TNS3: variants seen among roughly 807,000 people sequenced by gnomAD.
TNS3 encodes the protein tensin-3.
Under a neutral mutation model 140.9 loss-of-function variants are expected in TNS3, and 45 were observed. The observed-to-expected ratio is 0.32, with a 90% CI of 0.25 to 0.41. The LOEUF is 0.41. Ranked by LOEUF, TNS3 falls within the 10% of genes least tolerant of loss-of-function variation. The pLI, the probability that TNS3 is intolerant of heterozygous loss-of-function variation, is 1.00. For missense variants in TNS3, 1,716 were observed against 1,906.7 expected, an observed-to-expected ratio of 0.90 and a Z score of 1.86; for synonymous variants, 815 against 788.4, an observed-to-expected ratio of 1.03 and a Z score of -0.56.
chr7:47,356,994 G>A (rs1451435894), intron 17 of TNS3, among the ~76,000 whole-genome samples: 1 of 152,032 alleles, frequency 6.6e-6, no homozygotes, highest in East Asian at 1.9e-4. Flanking sequence ...AGGCTGAGGT[G>A]AGAGGATCAA....
At position 47,311,626 on chromosome 7, in the gene TNS3, G is replaced by A. The variant is rs75027039; in HGVS notation, c.2651-6623C>T. Among the ~76,000 whole-genome samples, 604 of 152,284 alleles carry A rather than the reference G, an allele frequency of 4.0e-3. 3 individuals carry two copies. The highest frequency in any genetic ancestry group is 0.01 in the African/African-American group (422 of 41,568). On this transcript the variant is annotated intron_variant, in intron 20 of 30. Coordinates refer to ENST00000311160, the MANE Select transcript of TNS3 (RefSeq NM_022748.12). ...GAAAATATGCAGTCTGAAGCATAAA[G>A]AGGAACAAGACTGAGAAATACACAA...
chr7:47,340,860 G>C (rs542692679), intron 20 of TNS3, among the ~76,000 whole-genome samples: 16 of 152,264 alleles, frequency 1.1e-4, no homozygotes, highest in African/African-American at 3.9e-4. Context: ...TTGAAAAAGA[G>C]TGCTGTCAGC....
At chr7:47,475,546 A>G (rs1269484940) in intron 4 of TNS3, among the ~76,000 whole-genome samples, 1 of 151,932 alleles carries the variant, frequency 6.6e-6, no homozygotes, top group African/African-American at 2.4e-5. Flanking sequence ...GGGGGGGGCC[A>G]GGCCCTCCCT....
In TNS3 at chr7:47,506,895, C is replaced by T. The variant is rs963104669; in HGVS notation, c.-115+12G>A. On this transcript the variant is annotated intron_variant, in intron 3 of 30. Transcript: ENST00000311160. Reference sequence around the variant, plus strand: ...TATAAAAAGTCCCATGGGAAAGCAACGGAATGCTTACCTTGGCTTCACATT... The same window carrying T: ...TATAAAAAGTCCCATGGGAAAGCAATGGAATGCTTACCTTGGCTTCACATT... The T allele has an allele frequency of 1.7e-5, 22 of 1,288,676 alleles. No homozygotes were observed. Among genetic ancestry groups the T allele is most frequent in the East Asian group, 1.7e-4 (3 of 18,002 alleles). The allele number at this position is 1,288,676 out of a possible 1,614,324, so 79.8% of individuals were successfully genotyped here.
At chr7:47,437,745 TACACACACACACACAC>T (rs67341898) in intron 6 of TNS3, among the ~76,000 whole-genome samples, 10 of 135,814 alleles carry the variant, frequency 7.4e-5, no homozygotes, top group East Asian at 6.3e-4. Context: ...ACATATAGGA[TACACACACACACACAC>T]ACACACACAC....
chr7:47,568,009 A>G (rs900804633), intron 1 of TNS3, among the ~76,000 whole-genome samples: 1 of 152,146 alleles, frequency 6.6e-6, no homozygotes, highest in Admixed American at 6.6e-5. Flanking sequence ...CTGATTTCTA[A>G]GCTGCCTCCA....
At chr7:47,406,282 G>A (rs924111582) in intron 13 of TNS3, among the ~76,000 whole-genome samples, 3 of 152,278 alleles carry the variant, frequency 2.0e-5, no homozygotes, top group African/African-American at 2.4e-5. Context: ...GAAGGCAGAC[G>A]GTGGGTCAAG....
At chr7:47,461,812 C>A (rs1796502764) in intron 4 of TNS3, among the ~76,000 whole-genome samples, 1 of 152,212 alleles carries the variant, frequency 6.6e-6, no homozygotes, top group Admixed American at 6.5e-5. Flanking sequence ...TTTTTGAGAG[C>A]CTTGCGTGAG....
intron 20 of TNS3, among the ~76,000 whole-genome samples, chr7:47,313,507 T>C (rs1433813612): frequency 6.6e-6 from 1 of 152,190 alleles, no homozygotes; most frequent in African/African-American, 2.4e-5. Flanking sequence ...AAGTTTAATA[T>C]GCCCACCTTA....
intron 13 of TNS3, among the ~76,000 whole-genome samples, chr7:47,406,306 T>C (rs1362933446): frequency 6.6e-6 from 1 of 152,184 alleles, no homozygotes; most frequent in Non-Finnish European, 1.5e-5. Flanking sequence ...AGCTTTGCTG[T>C]TGCCTGCAGC....
intron 4 of TNS3, among the ~76,000 whole-genome samples, chr7:47,478,226 G>A (rs1254655195): frequency 1.3e-5 from 2 of 152,132 alleles, no homozygotes; most frequent in African/African-American, 2.4e-5. Context: ...AGCACCGATC[G>A]CAGGGCCCCA....
chr7:47,557,776 G>A (rs533144167), intron 1 of TNS3, among the ~76,000 whole-genome samples: 1 of 152,290 alleles, frequency 6.6e-6, no homozygotes, highest in South Asian at 2.1e-4. Flanking sequence ...AGGTAGGGAG[G>A]CCACGCCATT....
chr7:47,465,062 G>A (rs765665057), intron 4 of TNS3, among the ~76,000 whole-genome samples: 16 of 152,082 alleles, frequency 1.1e-4, no homozygotes, highest in Non-Finnish European at 2.2e-4. Context: ...ATTTTCCCAG[G>A]GGAAAAAAAG....
chr7:47,411,656 T>C, intron 13 of TNS3, 71 bp downstream of exon 13: 1 of 1,474,440 alleles, frequency 6.8e-7, no homozygotes, highest in Non-Finnish European at 9.3e-7. Context: ...TAACACAGAA[T>C]CATGATTTCA....
intron 1 of TNS3, among the ~76,000 whole-genome samples, chr7:47,548,051 C>G (rs567244592): frequency 6.6e-6 from 1 of 152,322 alleles, no homozygotes; most frequent in Non-Finnish European, 1.5e-5. Context: ...CAGGCATGCA[C>G]CATCACACCC....
chr7:47,363,889 C>T (rs1294112339), intron 17 of TNS3, among the ~76,000 whole-genome samples: 1 of 152,148 alleles, frequency 6.6e-6, no homozygotes, highest in Admixed American at 6.5e-5. Flanking sequence ...TTCCTATTCA[C>T]ACATGGATCT....
chr7:47,485,232 G>GGC (rs1358979146), intron 3 of TNS3, among the ~76,000 whole-genome samples: 4 of 152,244 alleles, frequency 2.6e-5, no homozygotes, highest in Non-Finnish European at 5.9e-5. Context: ...AGCGTTCCCT[G>GGC]TGTCAAGGCA....
chr7:47,479,581 C>A (rs944689391), intron 4 of TNS3, among the ~76,000 whole-genome samples: 1 of 152,020 alleles, frequency 6.6e-6, no homozygotes, highest in African/African-American at 2.4e-5. Context: ...GACAGCCAGG[C>A]AGGCGCCCGC....
chr7:47,376,726 G>GACACACACACACACACAC (rs148067728), intron 16 of TNS3, among the ~76,000 whole-genome samples: 28,442 of 143,994 alleles, frequency 0.2, 3,378 homozygotes, highest in Non-Finnish European at 0.26. Flanking sequence ...TCTAGATCAA[G>GACACACACACACACACAC]ACACACACAC....
Sources: allele counts gnomAD v4.1 joint callset (sites outside exome capture counted in the v4.1 genomes callset), GRCh38; gene constraint gnomAD v4.1.1; transcripts MANE v1.5; gene names NCBI Gene and HGNC (gene_info 2026-07-23, HGNC 2026-07-21).